IQSEC1: variants seen among roughly 807,000 people sequenced by gnomAD.
IQSEC1 encodes IQ motif and Sec7 domain ArfGEF 1, also known as IQ motif and SEC7 domain-containing protein 1.
Under a neutral mutation model 91.0 loss-of-function variants are expected in IQSEC1, and 31 were observed. That is an observed-to-expected ratio of 0.34 (90% CI 0.26 to 0.46). The LOEUF is 0.46. Among genes scored for constraint, IQSEC1 ranks in the 20% least tolerant of loss-of-function variants. The probability of loss-of-function intolerance (pLI) is 1.00; values close to 1 mark genes in which losing one functional copy is unlikely to be tolerated. For missense variants in IQSEC1, 1,388 were observed against 1,575.6 expected (o/e 0.88, Z 2.02); for synonymous variants, 699 against 662.6 (o/e 1.05, Z -0.84).
chr3:13,171,871 G>T (rs1693621732), intron 1 of IQSEC1, among the ~76,000 whole-genome samples: 1 of 152,192 alleles, frequency 6.6e-6, no homozygotes, highest in African/African-American at 2.4e-5. Context: ...CTGGTTAGAG[G>T]TAAGGGGCAA....
rs1023460520 is a variant in IQSEC1 at position 13,181,291 on chromosome 3, A to G, written c.273-17158T>C. On this transcript the variant is annotated intron_variant, in intron 1 of 15. Coordinates refer to the IQSEC1 transcript ENST00000648114. ...GTCTCAAACAAACAAACAAACAAAC[A>G]AACAAACAAAATATATGAAGCAAAA... Among the ~76,000 whole-genome samples the G allele has an allele frequency of 9.3e-4, 87 of 93,848 alleles. 1 individual carries two copies. The highest frequency in any genetic ancestry group is 1.8e-3 in the South Asian group (5 of 2,738). The allele number at this position is 93,848 out of a possible 152,430, so 61.6% of individuals were successfully genotyped here. A position where few individuals can be genotyped will look rare whatever the true frequency, so the allele number is the denominator to read the frequency against.
intron 1 of IQSEC1, among the ~76,000 whole-genome samples, chr3:13,039,675 C>A (rs1704178740): frequency 6.6e-6 from 1 of 152,246 alleles, no homozygotes; most frequent in Non-Finnish European, 1.5e-5. Flanking sequence ...CCATGTTACA[C>A]AGCTGTGGAG....
chr3:13,046,050 G>A (rs771244172), intron 1 of IQSEC1, among the ~76,000 whole-genome samples: 23 of 152,234 alleles, frequency 1.5e-4, no homozygotes, highest in Non-Finnish European at 2.9e-4. Flanking sequence ...GGGCATATGA[G>A]GAACTACTAG....
In IQSEC1 at chr3:13,135,887, G is replaced by A. The variant is rs1420512784; in HGVS notation, c.302+28217C>T. The stretch of plus-strand genomic sequence containing the variant: ...GAGCCAGGTCTCCACTCATCCTCCT[G>A]TGCGCAGACCCCGTGCCTAGCATCG... On this transcript the variant is annotated intron_variant, in intron 2 of 15. Transcript: ENST00000648114. Among the ~76,000 whole-genome samples, 4 of 152,204 alleles carry A rather than the reference G, an allele frequency of 2.6e-5. No homozygotes were observed. In the East Asian group the frequency reaches 5.8e-4, roughly 22 times the overall value.
Position 12,924,637 on chromosome 3 carries a change from C to G in IQSEC1, c.1674G>C (p.Gln558His). Reference sequence around the variant, plus strand: ...GGTTGCCCAGGAACTCGCCGATCATCTGCCGGCTGAGGCCCTTGCGCTGCA... The same window carrying G: ...GGTTGCCCAGGAACTCGCCGATCATGTGCCGGCTGAGGCCCTTGCGCTGCA... ...FLLQRKGLSR[Q>H]MIGEFLGNRQ... The change falls in exon 4 of 14, where the codon CAG becomes CAC. Residue 558 changes from glutamine to histidine, a missense_variant. Gln to His is a conservative substitution (Grantham distance 24). Around this residue, in one of 2 missense-constraint regions of IQSEC1, gnomAD observed 1,059 missense variants for 1,317.8 expected, o/e 0.80. Coordinates refer to ENST00000613206, the MANE Select transcript of IQSEC1 (RefSeq NM_001134382.3). This position sits in a 1 kb window ranked among gnomAD's most constrained non-coding sequence, Gnocchi z 6.3. 6.2e-7 allele frequency: 1 copy of G among 1,611,334 alleles called. No homozygotes were observed. Among genetic ancestry groups the G allele is most frequent in the Non-Finnish European group, 8.5e-7 (1 of 1,178,646 alleles).
Position 12,924,646 on chromosome 3 carries a change from G to A in IQSEC1, c.1665C>T (p.Leu555=). The change falls in exon 4 of 14, where the codon CTC becomes CTT. Residue 555 remains leucine (L), a synonymous_variant. Transcript: ENST00000613206. This position sits in a 1 kb window ranked among gnomAD's most constrained non-coding sequence, Gnocchi z 6.3. ...GGAACTCGCCGATCATCTGCCGGCT[G>A]AGGCCCTTGCGCTGCAGCAGGAAGT... The part of the protein sequence containing the change: ...VAHFLLQRKG[L]SRQMIGEFLG... The A allele has an allele frequency of 6.2e-7, 1 of 1,611,260 alleles. No homozygotes were observed.
chr3:12,899,924 G>C lies in IQSEC1; in HGVS notation c.*1059C>G. ...CTGCCGTGTATGGGTGCCCCTCTCG[G>C]AGGACTCTGAATGAGTGTGCGTCAA... On this transcript the variant is annotated 3_prime_UTR_variant, in exon 14 of 14. Coordinates refer to ENST00000613206, the MANE Select transcript of IQSEC1 (RefSeq NM_001134382.3). 1.0e-6 allele frequency: 1 copy of C among 985,262 alleles called. No individual in the cohort carries two copies. The highest frequency in any genetic ancestry group is 4.7e-5 in the South Asian group (1 of 21,272). The allele number at this position is 985,262 out of a possible 1,614,324, so 61.0% of individuals were successfully genotyped here.
intron 1 of IQSEC1, among the ~76,000 whole-genome samples, chr3:12,984,496 G>A (rs1227262961): frequency 6.6e-6 from 1 of 152,180 alleles, no homozygotes; most frequent in Non-Finnish European, 1.5e-5. Flanking sequence ...GGGAGTGCCT[G>A]GAGTTCTGCC....
intron 1 of IQSEC1, among the ~76,000 whole-genome samples, chr3:13,036,914 GC>G (rs1704058665): frequency 1.3e-5 from 2 of 152,368 alleles, no homozygotes; most frequent in East Asian, 3.9e-4. Context: ...TCCACGGCAT[GC>G]TGAAGGTGAG....
In IQSEC1 at chr3:12,899,594, G is replaced by A. The variant is rs1322027930; in HGVS notation, c.*1389C>T. The A allele has an allele frequency of 1.0e-6, 1 of 985,308 alleles. No homozygotes were observed. The highest frequency in any genetic ancestry group is 1.2e-6 in the Non-Finnish European group (1 of 829,932). 61.0% of individuals were successfully genotyped at this position (985,308 alleles called of 1,614,324 possible). A position where few individuals can be genotyped will look rare whatever the true frequency, so the allele number is the denominator to read the frequency against. On this transcript the variant is annotated 3_prime_UTR_variant, in exon 14 of 14. Transcript: ENST00000613206. ...CACTGGACCATGGGAAGGCAGCGGG[G>A]GCTCCGCCGGGCACTCGTCGGCTGG...
chr3:12,965,552 C>A lies in IQSEC1; in HGVS notation c.24-23687G>T, dbSNP rs142016916. Among the ~76,000 whole-genome samples, 665 of 152,350 alleles carry A rather than the reference C, an allele frequency of 4.4e-3. 2 individuals carry two copies. The highest frequency in any genetic ancestry group is 7.6e-3 in the Non-Finnish European group (517 of 68,016). ...CTGATGCGTGAACTATGGGCTACACCTGAGCGAGGCTTCTCAACCTCCAAG... is the reference window on the plus strand; with the variant it reads ...CTGATGCGTGAACTATGGGCTACACATGAGCGAGGCTTCTCAACCTCCAAG... On this transcript the variant is annotated intron_variant, in intron 1 of 13. Coordinates refer to ENST00000613206, the MANE Select transcript of IQSEC1 (RefSeq NM_001134382.3).
intron 12 of IQSEC1, among the ~76,000 whole-genome samples, chr3:12,905,300 T>G (rs2125038685): frequency 6.6e-6 from 1 of 152,214 alleles, no homozygotes; most frequent in East Asian, 1.9e-4. Context: ...TTCCTCAGAG[T>G]CAGGGCAGGG....
chr3:13,159,476 C>A (rs567618265), intron 2 of IQSEC1, among the ~76,000 whole-genome samples: 2 of 152,254 alleles, frequency 1.3e-5, no homozygotes, highest in Non-Finnish European at 2.9e-5. Flanking sequence ...CTGAGTGAGG[C>A]ATGAAAGGGA....
Position 12,952,807 on chromosome 3 carries a change from A to C in IQSEC1, c.24-10942T>G, listed in dbSNP as rs548874099. Among the ~76,000 whole-genome samples, 13 of 152,314 alleles carry C rather than the reference A, an allele frequency of 8.5e-5. No homozygotes were observed. The South Asian group carries it at 2.5e-3, about 29-fold the overall frequency. Reference sequence around the variant, plus strand: ...CTCCCTCACTCCATCCAGGTCTCTGAAGATAACTGGAGGGATGTGGCTGAG... The same window carrying C: ...CTCCCTCACTCCATCCAGGTCTCTGCAGATAACTGGAGGGATGTGGCTGAG... On this transcript the variant is annotated intron_variant, in intron 1 of 13. Coordinates refer to ENST00000613206, the MANE Select transcript of IQSEC1 (RefSeq NM_001134382.3).
At chr3:13,169,056 C>G (rs1254234715) in intron 1 of IQSEC1, among the ~76,000 whole-genome samples, 1 of 152,188 alleles carries the variant, frequency 6.6e-6, no homozygotes, top group East Asian at 1.9e-4. Context: ...ATGTATCTCT[C>G]ACCATATACA....
chr3:13,226,357 T>G (rs1050943682), intron 1 of IQSEC1, among the ~76,000 whole-genome samples: 4 of 152,190 alleles, frequency 2.6e-5, no homozygotes, highest in African/African-American at 9.7e-5. Context: ...ATAATAATAA[T>G]ATCCACCTCA....
chr3:13,125,506 C>T (rs562446954), intron 2 of IQSEC1, among the ~76,000 whole-genome samples: 63 of 152,330 alleles, frequency 4.1e-4, no homozygotes, highest in African/African-American at 1.4e-3. Flanking sequence ...GCTGGAGGTG[C>T]GGGAACCAGC....
intron 1 of IQSEC1, among the ~76,000 whole-genome samples, chr3:13,227,267 T>G (rs1342429708): frequency 6.8e-6 from 1 of 147,832 alleles, no homozygotes; most frequent in African/African-American, 2.5e-5. Context: ...TCCCAGCTAC[T>G]CGGGAGGCTG....
At chr3:13,255,124 G>A (rs891841014) in intron 1 of IQSEC1, among the ~76,000 whole-genome samples, 2 of 152,242 alleles carry the variant, frequency 1.3e-5, no homozygotes, top group Admixed American at 1.3e-4. Flanking sequence ...GAAGGAACCA[G>A]GAACAGGTTC....
Sources: allele counts gnomAD v4.1 joint callset (sites outside exome capture counted in the v4.1 genomes callset), GRCh38; gene constraint gnomAD v4.1.1; regional missense constraint gnomAD v4.1.1; non-coding constraint Gnocchi (gnomAD v3.1); transcripts MANE v1.5; gene names NCBI Gene and HGNC (gene_info 2026-07-23, HGNC 2026-07-21).